Variants in ATAD5 observed in about 807,000 individuals in gnomAD.
ATAD5 encodes the protein ATPase family AAA domain containing 5, also known as ATPase family AAA domain-containing protein 5.
A neutral mutation model predicts 176.9 loss-of-function variants in ATAD5; 58 were observed. The observed-to-expected ratio is 0.33, with a 90% CI of 0.27 to 0.41. ATAD5 has a LOEUF of 0.41. Among genes scored for constraint, ATAD5 ranks in the 10% least tolerant of loss-of-function variants. The pLI, the probability that ATAD5 is intolerant of heterozygous loss-of-function variation, is 1.00. For synonymous variants in ATAD5, 640 were observed against 712.6 expected, an observed-to-expected ratio of 0.90 and a Z score of 1.62; for missense variants, 1,789 against 2,094.1, an observed-to-expected ratio of 0.85 and a Z score of 2.84.
At chr17:30,892,928 C>T (rs914918952) in intron 20 of ATAD5, 140 bp downstream of exon 20, 6 of 714,320 alleles carry the variant, frequency 8.4e-6, no homozygotes, top group Non-Finnish European at 1.3e-5. Flanking sequence ...GATTTTAACA[C>T]ATCCTACCAC....
intron 18 of ATAD5, among the ~76,000 whole-genome samples, chr17:30,881,310 C>G (rs1243756485): frequency 6.6e-6 from 1 of 151,924 alleles, no homozygotes; most frequent in Non-Finnish European, 1.5e-5. Context: ...GTTACCCAAG[C>G]TGGAGTGTAG....
chr17:30,884,028 A>AT (rs1179344692), intron 18 of ATAD5, among the ~76,000 whole-genome samples: 7 of 152,202 alleles, frequency 4.6e-5, no homozygotes, highest in Non-Finnish European at 1.0e-4. Context: ...CAAAACTGAA[A>AT]TTCTACGCTT....
intron 10 of ATAD5, chr17:30,862,787 A>G (rs1338435596): frequency 1.3e-5 from 2 of 152,172 alleles, no homozygotes; most frequent in African/African-American, 2.4e-5. Context: ...TGATTTATTC[A>G]TTTATATAGC....
In ATAD5 at chr17:30,894,999, A is replaced by C. The variant is rs1178725164; in HGVS notation, c.*86A>C. 7.3e-6 allele frequency: 6 copies of C among 823,170 alleles called. No homozygotes were observed. The highest frequency in any genetic ancestry group is 1.1e-5 in the Non-Finnish European group (6 of 562,608). 51.0% of individuals were successfully genotyped at this position (823,170 alleles called of 1,614,324 possible). On this transcript the variant is annotated 3_prime_UTR_variant, in exon 23 of 23. Coordinates refer to ENST00000321990, the MANE Select transcript of ATAD5 (RefSeq NM_024857.5). ...ATTATGTGGATCTTCATGGAAAAGT[A>C]TATTTCTCGATGTACATTTTAAACA...
intron 2 of ATAD5, 28 bp from the exon 3 acceptor site, chr17:30,837,178 G>A: frequency 2.4e-6 from 3 of 1,238,012 alleles, no homozygotes; most frequent in African/African-American, 1.6e-5. Context: ...TCATGAAAAT[G>A]TTTCTGAATA....
At chr17:30,884,485 G>C (rs1352335968) in intron 18 of ATAD5, among the ~76,000 whole-genome samples, 2 of 136,872 alleles carry the variant, frequency 1.5e-5, no homozygotes, top group African/African-American at 5.8e-5. Context: ...CTGGAGTGCA[G>C]TGGCACGATC....
chr17:30,847,327 T>TATATATAG (rs918823567), intron 6 of ATAD5, among the ~76,000 whole-genome samples: 9 of 150,570 alleles, frequency 6.0e-5, no homozygotes, highest in African/African-American at 2.2e-4. Flanking sequence ...TATATATATA[T>TATATATAG]AGAGAGAGAG....
chr17:30,887,999 T>A (rs1909413902), intron 19 of ATAD5, among the ~76,000 whole-genome samples: 1 of 151,484 alleles, frequency 6.6e-6, no homozygotes, highest in Non-Finnish European at 1.5e-5. Flanking sequence ...GCCCAGCTAA[T>A]TTTTTTTGTC....
Position 30,876,439 on chromosome 17 carries a change from A to G in ATAD5, c.3673A>G (p.Ser1225Gly), listed in dbSNP as rs1251036234. ...PRKVPPPSPK[S>G]SGPKRALPPK... Reference sequence around the variant, plus strand: ...AAAAGTTCCTCCACCATCACCAAAAAGTAGTGGACCAAAGCGAGCACTTCC... The same window carrying G: ...AAAAGTTCCTCCACCATCACCAAAAGGTAGTGGACCAAAGCGAGCACTTCC... Residue 1225 changes from serine to glycine, a missense_variant, in exon 15 of 23, where the codon AGT becomes GGT. Ser to Gly is a moderately conservative substitution (Grantham distance 56). This residue lies in a region of ATAD5 where 194 missense variants were observed against 270.1 expected (regional missense o/e 0.72). Transcript: ENST00000321990. The G allele has an allele frequency of 6.2e-7, 1 of 1,609,158 alleles. No individual in the cohort carries two copies. The highest frequency in any genetic ancestry group is 1.7e-5 in the Admixed American group (1 of 59,592).
rs1567675781 is a variant in ATAD5 at position 30,834,301 on chromosome 17, G to GAGA, written c.224_226dup (p.Lys75dup). On this transcript the variant is annotated inframe_insertion, in exon 2 of 23. Coordinates refer to ENST00000321990, the MANE Select transcript of ATAD5 (RefSeq NM_024857.5). ...TTTTAGAAAGACTTCACCCACAAAT[G>GAGA]AGAAGACACAATTAGGGAAAGAGTG... The GAGA allele has an allele frequency of 6.2e-7, 1 of 1,613,486 alleles. No homozygotes were observed. The highest frequency in any genetic ancestry group is 1.7e-5 in the Admixed American group (1 of 59,902).
At chr17:30,862,383 C>A (rs1430577039) in intron 10 of ATAD5, among the ~76,000 whole-genome samples, 1 of 152,016 alleles carries the variant, frequency 6.6e-6, no homozygotes, top group Non-Finnish European at 1.5e-5. Context: ...TGGTCTTATC[C>A]CATACATACT....
rs1909843204 is a variant in ATAD5, at chr17:30,895,150, T to G, written c.*237T>G. 6.1e-6 allele frequency: 2 copies of G among 329,178 alleles called. No individual in the cohort carries two copies. Among genetic ancestry groups the G allele is most frequent in the Non-Finnish European group, 1.1e-5 (2 of 181,634 alleles). The allele number at this position is 329,178 out of a possible 1,614,324, so 20.4% of individuals were successfully genotyped here. On this transcript the variant is annotated 3_prime_UTR_variant, in exon 23 of 23. Coordinates refer to ENST00000321990, the MANE Select transcript of ATAD5 (RefSeq NM_024857.5). ...TCTGATTTAGCTTTGTTGGAGTATT[T>G]TTTGTATGTGAGTGAACTGTTTCTG...
intron 17 of ATAD5, among the ~76,000 whole-genome samples, chr17:30,878,945 T>G (rs540167645): frequency 6.6e-6 from 1 of 152,204 alleles, no homozygotes; most frequent in Admixed American, 6.5e-5. Context: ...TTGGTCAGGC[T>G]GGTCTCGAAC....
At chr17:30,890,418 CTTTTT>C (rs968126768) in intron 19 of ATAD5, among the ~76,000 whole-genome samples, 3 of 106,720 alleles carry the variant, frequency 2.8e-5, no homozygotes, top group Admixed American at 1.0e-4. Context: ...CTCTTCTTTT[CTTTTT>C]TTTTTTTTTT....
rs750694611 is a variant in ATAD5 at position 30,893,446 on chromosome 17, A to T, written c.4593A>T (p.Pro1531=). The T allele has an allele frequency of 9.3e-6, 15 of 1,613,962 alleles. No homozygotes were observed. The South Asian group carries it at 1.5e-4, about 17-fold the overall frequency. ...CAGAAACTAAAAACTTTTGTGGCCC[A>T]TCAGTAACTGTGGATGCCAGTGCAG... The part of the protein sequence containing the change: ...TIPETKNFCG[P]SVTVDASAAT... The change falls in exon 21 of 23, where the codon CCA becomes CCT. Residue 1531 remains proline (P), a synonymous_variant. Transcript: ENST00000321990.
intron 6 of ATAD5, among the ~76,000 whole-genome samples, chr17:30,849,997 C>T (rs917537354): frequency 6.6e-6 from 1 of 152,020 alleles, no homozygotes; most frequent in African/African-American, 2.4e-5. Flanking sequence ...AACAACTAGC[C>T]AGGCATGGTG....
chr17:30,834,210 A>T lies in ATAD5; in HGVS notation c.129A>T (p.Leu43Phe), dbSNP rs758520362. The T allele has an allele frequency of 1.9e-6, 3 of 1,596,394 alleles. No homozygotes were observed. Among genetic ancestry groups the T allele is most frequent in the African/African-American group, 2.7e-5 (2 of 73,768 alleles). The change falls in exon 2 of 23, where the codon TTA becomes TTT. Residue 43 changes from leucine to phenylalanine, a missense_variant. Physicochemically the swap from Leu to Phe is conservative, Grantham distance 22 (BLOSUM62 0). Coordinates refer to ENST00000321990, the MANE Select transcript of ATAD5 (RefSeq NM_024857.5). ...TSTCKTITKY[L>F]SPLGKTRDRV... ...CCTGCAAAACAATTACAAAATATTT[A>T]TCACCACTAGGGAAGACTAGAGACA... is the stretch of plus-strand genomic sequence containing the variant.
chr17:30,856,818 C>T, intron 7 of ATAD5, 137 bp from the exon 8 acceptor site: 16 of 708,880 alleles, frequency 2.3e-5, no homozygotes, highest in South Asian at 6.1e-5. Flanking sequence ...GATTTTGTTC[C>T]CTTTATAGTC....
At chr17:30,855,664 C>T (rs1488752866) in intron 7 of ATAD5, among the ~76,000 whole-genome samples, 1 of 151,976 alleles carries the variant, frequency 6.6e-6, no homozygotes, top group Non-Finnish European at 1.5e-5. Flanking sequence ...CAGCAAGATC[C>T]TGTCTCTAAA....
Sources: allele counts gnomAD v4.1 joint callset (sites outside exome capture counted in the v4.1 genomes callset), GRCh38; gene constraint gnomAD v4.1.1; regional missense constraint gnomAD v4.1.1; transcripts MANE v1.5; gene names NCBI Gene and HGNC (gene_info 2026-07-23, HGNC 2026-07-21).